ACSL5: variants seen among roughly 807,000 people sequenced by gnomAD.
ACSL5 encodes the protein acyl-CoA synthetase long chain family member 5, also known as long-chain-fatty-acid--CoA ligase 5.
In ACSL5, 50 loss-of-function variants were observed where a neutral mutation model predicts 84.9. The ratio of observed to expected loss-of-function variants is 0.59; its 90% CI spans 0.47 to 0.75. ACSL5 has a LOEUF of 0.75. Among genes scored for constraint, ACSL5 ranks in the 30% least tolerant of loss-of-function variants. The pLI is 0.00. For synonymous variants in ACSL5, 280 were observed against 300.7 expected (o/e 0.93, Z 0.71); for missense variants, 775 against 830.4 (o/e 0.93, Z 0.82).
At position 112,421,660 on chromosome 10, in the gene ACSL5, C is replaced by G; in HGVS notation, c.1382C>G (p.Thr461Arg). The change falls in exon 15 of 21, where the codon ACA (threonine) becomes AGA (arginine). Residue 461 changes from threonine to arginine, a missense_variant. Coordinates refer to ENST00000354655, the MANE Select transcript of ACSL5 (RefSeq NM_203379.2). ...GCTFTLPGDWTSGHVGVPLAC... is the reference protein window; with the variant it reads ...GCTFTLPGDWRSGHVGVPLAC... ...ACATTTACATTACCTGGGGACTGGA[C>G]ATCAGGTAAGTCCTCCATCTGCTGG... 6.2e-7 allele frequency: 1 copy of G among 1,613,796 alleles called. No homozygotes were observed. The highest frequency in any genetic ancestry group is 8.5e-7 in the Non-Finnish European group (1 of 1,179,692).
chr10:112,417,729 T>G, intron 13 of ACSL5, 117 bp from the exon 14 acceptor site: 1 of 788,792 alleles, frequency 1.3e-6, no homozygotes, highest in Admixed American at 2.0e-5. Flanking sequence ...AACGTGAGAA[T>G]TGATGTCAGT....
At chr10:112,380,097 G>A (rs960506072) in intron 1 of ACSL5, among the ~76,000 whole-genome samples, 2 of 152,144 alleles carry the variant, frequency 1.3e-5, no homozygotes, top group African/African-American at 4.8e-5. Context: ...CCCTTTGGGG[G>A]TGTTACTGAC....
At chr10:112,420,323 A>G (rs1844427794) in intron 14 of ACSL5, among the ~76,000 whole-genome samples, 2 of 152,108 alleles carry the variant, frequency 1.3e-5, no homozygotes, top group East Asian at 1.9e-4. Context: ...CTTCTATACC[A>G]AGGATTGGCA....
chr10:112,413,402 C>G (rs1262170566), intron 12 of ACSL5, 95 bp downstream of exon 12: 11 of 1,422,848 alleles, frequency 7.7e-6, no homozygotes, highest in Non-Finnish European at 2.0e-6. Context: ...TACCTCCACC[C>G]TCTACAAGTA....
intron 1 of ACSL5, among the ~76,000 whole-genome samples, chr10:112,390,681 TAGA>T (rs1849542148): frequency 1.3e-5 from 2 of 152,004 alleles, no homozygotes; most frequent in Non-Finnish European, 2.9e-5. Context: ...GATAGATAGA[TAGA>T]TAGATAGATA....
chr10:112,413,462 ACTT>A (rs1844235152), intron 12 of ACSL5, among the ~76,000 whole-genome samples, 155 bp downstream of exon 12: 1 of 152,130 alleles, frequency 6.6e-6, no homozygotes, highest in Admixed American at 6.5e-5. Flanking sequence ...GTGGTGGCTC[ACTT>A]CTGTGATCTC....
chr10:112,388,229 C>T (rs895995589), intron 1 of ACSL5, among the ~76,000 whole-genome samples: 8 of 152,084 alleles, frequency 5.3e-5, no homozygotes, highest in African/African-American at 1.4e-4. Flanking sequence ...CGTGAGTCAC[C>T]GCTCCTAGTC....
rs1844777508 is a variant in ACSL5 at position 112,427,428 on chromosome 10, T to TA, written c.*71dup. 7.7e-6 allele frequency: 11 copies of TA among 1,426,170 alleles called. No individual in the cohort carries two copies. The highest frequency in any genetic ancestry group is 9.4e-6 in the Non-Finnish European group (10 of 1,069,168). 88.3% of individuals were successfully genotyped at this position (1,426,170 alleles called of 1,614,324 possible). On this transcript the variant is annotated 3_prime_UTR_variant, in exon 21 of 21. Coordinates refer to ENST00000354655, the MANE Select transcript of ACSL5 (RefSeq NM_203379.2). Reference sequence around the variant, plus strand: ...GAGAAAATGGATTAAAAACTATTCTTACATTTGTTTTGCCTTTCCTCCTAT... The same window carrying TA: ...GAGAAAATGGATTAAAAACTATTCTTAACATTTGTTTTGCCTTTCCTCCTAT...
At chr10:112,410,381 G>A (rs1382440685) in intron 7 of ACSL5, 82 bp from the exon 8 acceptor site, 3 of 1,604,886 alleles carry the variant, frequency 1.9e-6, no homozygotes, top group South Asian at 1.1e-5. Context: ...GTTCTCACGG[G>A]AAAGGGAGGG....
At position 112,417,020 on chromosome 10, in the gene ACSL5, C is replaced by CAGGT; in HGVS notation, c.1218+3_1218+6dup. The CAGGT allele has an allele frequency of 2.5e-6, 4 of 1,613,372 alleles. No individual in the cohort carries two copies. Among genetic ancestry groups the CAGGT allele is most frequent in the Non-Finnish European group, 2.5e-6 (3 of 1,179,634 alleles). On this transcript the variant is annotated frameshift_variant and splice_region_variant, in exon 13 of 21. Coordinates refer to ENST00000354655, the MANE Select transcript of ACSL5 (RefSeq NM_203379.2). LOFTEE classifies it high-confidence loss of function. ...GGACAAGCTCATCTTTGCAAAGATCCAGGTAGGTTGGGCAGGTCCTGGACT... is the reference window on the plus strand; with the variant it reads ...GGACAAGCTCATCTTTGCAAAGATCCAGGTAGGTAGGTTGGGCAGGTCCTGGACT...
chr10:112,409,763 G>A, intron 7 of ACSL5, 78 bp downstream of exon 7: 1 of 1,448,826 alleles, frequency 6.9e-7, no homozygotes, highest in South Asian at 1.2e-5. Flanking sequence ...CTTCCCAAGA[G>A]GACAGTGTTC....
At chr10:112,384,069 C>T (rs1324950303) in intron 1 of ACSL5, among the ~76,000 whole-genome samples, 1 of 152,034 alleles carries the variant, frequency 6.6e-6, no homozygotes, top group Non-Finnish European at 1.5e-5. Context: ...ACCTGTAATC[C>T]CAGCTACTTG....
chr10:112,380,302 C>T (rs1379124743), intron 1 of ACSL5, among the ~76,000 whole-genome samples: 1 of 152,116 alleles, frequency 6.6e-6, no homozygotes, highest in African/African-American at 2.4e-5. Context: ...AACATGAGAT[C>T]TCCTGATAAA....
intron 12 of ACSL5, among the ~76,000 whole-genome samples, chr10:112,415,104 ATGTTGT>A (rs374057369): frequency 1.3e-5 from 2 of 152,148 alleles, no homozygotes; most frequent in Non-Finnish European, 2.9e-5. Context: ...TTTTGTTCAT[ATGTTGT>A]TGTTGTTGTA....
At chr10:112,411,646 A>G in intron 10 of ACSL5, 117 bp downstream of exon 10, 5 of 987,392 alleles carry the variant, frequency 5.1e-6, no homozygotes, top group East Asian at 2.5e-5. Context: ...ACACACACAC[A>G]CGTTAAAGGC....
At chr10:112,422,082 T>G (rs767575479) in intron 16 of ACSL5, 47 bp downstream of exon 16, 1 of 1,592,148 alleles carries the variant, frequency 6.3e-7, no homozygotes, top group East Asian at 2.2e-5. Flanking sequence ...TGGGGAGGTT[T>G]ATATCAGAAA....
chr10:112,411,637 C>G lies in ACSL5; in HGVS notation c.870+108C>G. The G allele has an allele frequency of 3.0e-6, 3 of 1,014,544 alleles. No individual in the cohort carries two copies. In the South Asian group the frequency reaches 4.3e-5, roughly 14 times the overall value. 62.8% of individuals were successfully genotyped at this position (1,014,544 alleles called of 1,614,324 possible). A position where few individuals can be genotyped will look rare whatever the true frequency, so the allele number is the denominator to read the frequency against. ...ACACACACACACACATACACACACA[C>G]ACACACACACGTTAAAGGCTGGAGT... On this transcript the variant is annotated intron_variant, in intron 10 of 20. Coordinates refer to ENST00000354655, the MANE Select transcript of ACSL5 (RefSeq NM_203379.2).
At chr10:112,408,788 A>T (rs1168968953) in intron 6 of ACSL5, 2 of 376,810 alleles carry the variant, frequency 5.3e-6, no homozygotes, top group Non-Finnish European at 1.0e-5. Context: ...AGACAAGACT[A>T]CTCACTCTGA....
intron 13 of ACSL5, 126 bp downstream of exon 13, chr10:112,417,148 C>A: frequency 2.0e-6 from 2 of 999,662 alleles, no homozygotes; most frequent in Non-Finnish European, 2.8e-6. Context: ...ACTTTGTGTC[C>A]ACTGCCTTTT....
Sources: gnomAD v4.1 joint callset for allele counts (sites outside exome capture counted in the v4.1 genomes callset) on GRCh38, gnomAD v4.1.1 for gene constraint, MANE v1.5 for transcripts, NCBI Gene and HGNC (gene_info 2026-07-23, HGNC 2026-07-21) for gene names.